The following CAMKMT variants were observed in gnomAD, a reference collection of about 807,000 sequenced individuals.
The protein encoded by CAMKMT is calmodulin-lysine N-methyltransferase.
Under a neutral mutation model 48.0 loss-of-function variants are expected in CAMKMT, and 53 were observed. The observed-to-expected ratio is 1.10, with a 90% CI of 0.89 to 1.39. CAMKMT has a LOEUF of 1.39. CAMKMT is among the 40% of genes most tolerant of loss of function. CAMKMT has a pLI of 0.00. For synonymous variants in CAMKMT, 165 were observed against 152.3 expected, an observed-to-expected ratio of 1.08 and a Z score of -0.61; for missense variants, 428 against 402.7, an observed-to-expected ratio of 1.06 and a Z score of -0.54.
At chr2:44,590,912 T>A (rs1410772655) in intron 3 of CAMKMT, among the ~76,000 whole-genome samples, 1 of 151,834 alleles carries the variant, frequency 6.6e-6, no homozygotes, top group Non-Finnish European at 1.5e-5. Context: ...CTTTAATCCA[T>A]CTTGAATTAA....
chr2:44,647,370 A>G (rs1185296969), intron 3 of CAMKMT, among the ~76,000 whole-genome samples: 1 of 152,224 alleles, frequency 6.6e-6, no homozygotes, highest in Non-Finnish European at 1.5e-5. Flanking sequence ...GCAAAACTAC[A>G]TTCTTTGCTG....
intron 9 of CAMKMT, among the ~76,000 whole-genome samples, chr2:44,764,164 C>T (rs1267962341): frequency 1.3e-5 from 2 of 152,072 alleles, no homozygotes; most frequent in Non-Finnish European, 2.9e-5. Context: ...AAAAAGCTGA[C>T]AGAACCTTAA....
chr2:44,736,949 ATC>A (rs1267925464), intron 7 of CAMKMT, among the ~76,000 whole-genome samples: 2 of 152,116 alleles, frequency 1.3e-5, no homozygotes, highest in African/African-American at 2.4e-5. Flanking sequence ...TAATTCTGAC[ATC>A]TCTGTCAGTT....
intron 2 of CAMKMT, among the ~76,000 whole-genome samples, chr2:44,377,923 T>C (rs2104376560): frequency 6.6e-6 from 1 of 152,246 alleles, no homozygotes; most frequent in East Asian, 1.9e-4. Context: ...AAATAAAAAC[T>C]AGTGATTAGA....
At chr2:44,708,211 A>ATTTTTTTTTTTTTTT (rs59281575) in intron 6 of CAMKMT, among the ~76,000 whole-genome samples, 6 of 68,194 alleles carry the variant, frequency 8.8e-5, no homozygotes, top group Non-Finnish European at 1.0e-4. Context: ...TTTGCTTTGG[A>ATTTTTTTTTTTTTTT]TTTTTTTTTT....
intron 3 of CAMKMT, among the ~76,000 whole-genome samples, chr2:44,639,713 G>C (rs950114226): frequency 1.6e-4 from 25 of 152,236 alleles, no homozygotes; most frequent in African/African-American, 6.0e-4. Flanking sequence ...GATATTTTGA[G>C]GACATTTGGG....
chr2:44,433,363 G>A (rs979567694), intron 3 of CAMKMT, among the ~76,000 whole-genome samples: 3 of 152,044 alleles, frequency 2.0e-5, no homozygotes, highest in Non-Finnish European at 2.9e-5. Context: ...AATACATATC[G>A]TGGAACTTTT....
chr2:44,609,981 G>C (rs942053590), intron 3 of CAMKMT, among the ~76,000 whole-genome samples: 1 of 152,158 alleles, frequency 6.6e-6, no homozygotes, highest in Non-Finnish European at 1.5e-5. Context: ...AATATACCTA[G>C]TTGACTTTCA....
intron 3 of CAMKMT, among the ~76,000 whole-genome samples, chr2:44,535,053 T>A: frequency 6.8e-6 from 1 of 147,396 alleles, no homozygotes; most frequent in Non-Finnish European, 1.5e-5. Context: ...AAATCAGAAA[T>A]GAGAAAGGAG....
intron 3 of CAMKMT, among the ~76,000 whole-genome samples, chr2:44,496,510 A>G (rs1236731477): frequency 6.6e-6 from 1 of 152,214 alleles, no homozygotes; most frequent in East Asian, 1.9e-4. Context: ...TACAGTTTTT[A>G]GAGCCCATCC....
At chr2:44,520,151 G>A (rs565122107) in intron 3 of CAMKMT, among the ~76,000 whole-genome samples, 3 of 152,102 alleles carry the variant, frequency 2.0e-5, no homozygotes, top group East Asian at 3.9e-4. Flanking sequence ...CCTGGGAGGC[G>A]GAGCTTGCAG....
At position 44,500,574 on chromosome 2, in the gene CAMKMT, T is replaced by G. The variant is rs985051121; in HGVS notation, c.376+110269T>G. On this transcript the variant is annotated intron_variant, in intron 3 of 10. Transcript: ENST00000378494. ...TTTATGTTGATTAGATCATAAAAAT[T>G]TGACCCAAGTTATTATATATGTTAA... Among the ~76,000 whole-genome samples the G allele has an allele frequency of 2.6e-5, 4 of 152,222 alleles. No individual in the cohort carries two copies. In the East Asian group the frequency reaches 7.7e-4, roughly 29 times the overall value.
rs187816960 is a variant in CAMKMT at position 44,655,575 on chromosome 2, C to G, written c.377-48708C>G. On this transcript the variant is annotated intron_variant, in intron 3 of 10. Transcript: ENST00000378494. ...TACAGGTGCTTTTCAACCATCTGAA[C>G]TTATCTCCTAAATAGGCCTTGCATT... Among the ~76,000 whole-genome samples, 9 of 152,294 alleles carry G rather than the reference C, an allele frequency of 5.9e-5. No individual in the cohort carries two copies. In the East Asian group the frequency reaches 1.7e-3, roughly 29 times the overall value.
chr2:44,492,436 C>G (rs942576837), intron 3 of CAMKMT, among the ~76,000 whole-genome samples: 2 of 152,102 alleles, frequency 1.3e-5, no homozygotes, highest in African/African-American at 4.8e-5. Flanking sequence ...CCAGGTTTCT[C>G]AAATACTCTT....
chr2:44,712,433 T>C (rs991825042), intron 6 of CAMKMT, among the ~76,000 whole-genome samples: 2 of 152,076 alleles, frequency 1.3e-5, no homozygotes, highest in Admixed American at 1.3e-4. Context: ...ACATATAACA[T>C]GTATATAATT....
intron 3 of CAMKMT, among the ~76,000 whole-genome samples, chr2:44,443,951 T>A (rs1666829562): frequency 6.6e-6 from 1 of 152,162 alleles, no homozygotes; most frequent in South Asian, 2.1e-4. Flanking sequence ...TTTAAATGTC[T>A]TGTACAATTT....
intron 3 of CAMKMT, among the ~76,000 whole-genome samples, chr2:44,490,437 G>A (rs75293300): frequency 2.2e-4 from 33 of 151,992 alleles, no homozygotes; most frequent in African/African-American, 7.5e-4. Context: ...CACCACACTC[G>A]GCTAATTTTG....
intron 2 of CAMKMT, among the ~76,000 whole-genome samples, chr2:44,382,169 T>C (rs980378316): frequency 6.6e-6 from 1 of 152,132 alleles, no homozygotes; most frequent in African/African-American, 2.4e-5. Flanking sequence ...CTTGAACTCC[T>C]GACCTTAGGT....
chr2:44,517,760 A>G (rs527298786), intron 3 of CAMKMT, among the ~76,000 whole-genome samples: 1 of 152,316 alleles, frequency 6.6e-6, no homozygotes, highest in Admixed American at 6.5e-5. Context: ...GTGTGAGAGC[A>G]ATTTAGTTAG....
Sources: gnomAD v4.1 joint callset for allele counts (sites outside exome capture counted in the v4.1 genomes callset) on GRCh38, gnomAD v4.1.1 for gene constraint, MANE v1.5 for transcripts, NCBI Gene and HGNC (gene_info 2026-07-23, HGNC 2026-07-21) for gene names.